BFSP2: variants seen among roughly 807,000 people sequenced by gnomAD.
BFSP2 encodes beaded filament structural protein 2.
BFSP2 carries 38 observed loss-of-function variants against 44.9 expected under a neutral mutation model. That is an observed-to-expected ratio of 0.85 (90% confidence interval 0.65 to 1.11). The LOEUF is 1.11. Ranked by LOEUF, BFSP2 falls within the 50% of genes least tolerant of loss-of-function variation. The pLI is 0.00. For missense variants in BFSP2, 525 were observed against 533.0 expected, an observed-to-expected ratio of 0.99 and a Z score of 0.15; for synonymous variants, 197 against 209.9, an observed-to-expected ratio of 0.94 and a Z score of 0.53.
chr3:133,419,442 G>T (rs2073573029), intron 1 of BFSP2, among the ~76,000 whole-genome samples: 1 of 152,064 alleles, frequency 6.6e-6, no homozygotes, highest in Non-Finnish European at 1.5e-5. Flanking sequence ...CATCTATAAG[G>T]CCCGAGTTAG....
At chr3:133,431,547 TG>T (rs1226145635) in intron 1 of BFSP2, among the ~76,000 whole-genome samples, 2 of 152,200 alleles carry the variant, frequency 1.3e-5, no homozygotes, top group African/African-American at 4.8e-5. Context: ...CCTGGAACTC[TG>T]GCCCGAGGCT....
At chr3:133,451,707 C>G (rs567962497) in intron 4 of BFSP2, among the ~76,000 whole-genome samples, 1 of 152,182 alleles carries the variant, frequency 6.6e-6, no homozygotes, top group Non-Finnish European at 1.5e-5. Flanking sequence ...CAGTCTGACA[C>G]TTTGAGATGT....
intron 1 of BFSP2, among the ~76,000 whole-genome samples, chr3:133,420,624 C>G (rs1343813683): frequency 6.6e-6 from 1 of 152,172 alleles, no homozygotes; most frequent in Non-Finnish European, 1.5e-5. Flanking sequence ...GGTTTTCCTT[C>G]CTTACAGCAA....
At chr3:133,466,697 A>AAAAAAAAAAAAAT in intron 4 of BFSP2, 131 bp from the exon 5 acceptor site, 1 of 726,478 alleles carries the variant, frequency 1.4e-6, no homozygotes. Flanking sequence ...AAAAAAAAAA[A>AAAAAAAAAAAAAT]GATGTTTCCA....
intron 1 of BFSP2, among the ~76,000 whole-genome samples, chr3:133,440,341 G>T (rs1249622343): frequency 6.6e-6 from 1 of 152,178 alleles, no homozygotes; most frequent in Non-Finnish European, 1.5e-5. Flanking sequence ...ATATCAGCAG[G>T]AGATGCTGGC....
intron 1 of BFSP2, among the ~76,000 whole-genome samples, chr3:133,424,660 G>C (rs1439888759): frequency 2.6e-5 from 4 of 152,098 alleles, no homozygotes; most frequent in African/African-American, 9.7e-5. Context: ...TTTTGAGACA[G>C]AGTCTCACTC....
intron 1 of BFSP2, among the ~76,000 whole-genome samples, chr3:133,411,842 G>A (rs1445604487): frequency 6.6e-6 from 1 of 151,902 alleles, no homozygotes; most frequent in Non-Finnish European, 1.5e-5. Flanking sequence ...AAATTGCAAG[G>A]GAAAGAAGCA....
chr3:133,464,130 C>T (rs1372982622), intron 4 of BFSP2, among the ~76,000 whole-genome samples: 2 of 152,164 alleles, frequency 1.3e-5, no homozygotes, highest in Non-Finnish European at 2.9e-5. Context: ...GGCCAGGAAC[C>T]CAACCCCAAA....
At chr3:133,417,001 C>T (rs555019481) in intron 1 of BFSP2, among the ~76,000 whole-genome samples, 1 of 142,850 alleles carries the variant, frequency 7.0e-6, no homozygotes, top group Non-Finnish European at 1.5e-5. Flanking sequence ...CTCTACTCAC[C>T]TCTGCCCTCT....
intron 1 of BFSP2, among the ~76,000 whole-genome samples, chr3:133,415,022 C>T (rs1329439069): frequency 7.2e-6 from 1 of 138,462 alleles, no homozygotes; most frequent in Admixed American, 7.2e-5. Context: ...ACTCACCCCC[C>T]TACTCATCCC....
intron 4 of BFSP2, among the ~76,000 whole-genome samples, 166 bp from the exon 5 acceptor site, chr3:133,466,662 G>A (rs1029249604): frequency 6.4e-5 from 3 of 47,224 alleles, no homozygotes; most frequent in African/African-American, 1.2e-4. Flanking sequence ...GCTACAGAGC[G>A]AGACTTCATC....
intron 3 of BFSP2, among the ~76,000 whole-genome samples, chr3:133,449,786 G>A (rs2073939650): frequency 6.6e-6 from 1 of 151,938 alleles, no homozygotes; most frequent in South Asian, 2.1e-4. Flanking sequence ...CTACTCAGGA[G>A]ACTGAGGTGG....
At chr3:133,472,304 C>T (rs764801615) in intron 5 of BFSP2, 41 bp from the exon 6 acceptor site, 9 of 1,579,420 alleles carry the variant, frequency 5.7e-6, no homozygotes, top group African/African-American at 1.3e-5. Context: ...AAGGGCCCGG[C>T]CTGTTGTCCT....
chr3:133,453,291 G>A (rs2073982147), intron 4 of BFSP2, among the ~76,000 whole-genome samples: 1 of 152,160 alleles, frequency 6.6e-6, no homozygotes, highest in African/African-American at 2.4e-5. Context: ...AAATGGCTTA[G>A]CACACACAGC....
rs549346116 is a variant in BFSP2, at chr3:133,430,980, G to A, written c.490-16337G>A. Among the ~76,000 whole-genome samples the A allele has an allele frequency of 4.1e-4, 62 of 152,182 alleles. 1 individual carries two copies. The East Asian group carries it at 0.012, about 29-fold the overall frequency. ...TACTCTTAAAAAGGTGGCTGGAGCT[G>A]AAGGCATAGTCAAGGTTAATGCTCC... On this transcript the variant is annotated intron_variant, in intron 1 of 6. Coordinates refer to ENST00000302334, the MANE Select transcript of BFSP2 (RefSeq NM_003571.4).
At chr3:133,414,063 A>C (rs1441188718) in intron 1 of BFSP2, among the ~76,000 whole-genome samples, 24 of 56,784 alleles carry the variant, frequency 4.2e-4, no homozygotes, top group Admixed American at 1.1e-3. Flanking sequence ...CCCTCTACTC[A>C]CCCCTGCCCT....
chr3:133,472,530 G>A lies in BFSP2; in HGVS notation c.1209G>A (p.Ala403=), dbSNP rs750596253. Residue 403 remains alanine (A), a synonymous_variant, in exon 6 of 7, where the codon GCG becomes GCA. Transcript: ENST00000302334. ...AGTGCCAGCTGCAGAAGGACGTGGCGTCCTACCACGCCCTGCTGGACAGGG... is the reference window on the plus strand; with the variant it reads ...AGTGCCAGCTGCAGAAGGACGTGGCATCCTACCACGCCCTGCTGGACAGGG... ...ARKCQLQKDV[A]SYHALLDREE... The A allele has an allele frequency of 1.1e-5, 17 of 1,612,378 alleles. No individual in the cohort carries two copies. In the African/African-American group the frequency reaches 1.1e-4, roughly 10 times the overall value.
At chr3:133,471,850 G>A (rs1433454630) in intron 5 of BFSP2, among the ~76,000 whole-genome samples, 3 of 152,136 alleles carry the variant, frequency 2.0e-5, no homozygotes, top group African/African-American at 7.2e-5. Context: ...CAGTGATCTG[G>A]GAAAGAAAGC....
chr3:133,465,931 G>C (rs1432407895), intron 4 of BFSP2, among the ~76,000 whole-genome samples: 1 of 152,164 alleles, frequency 6.6e-6, no homozygotes, highest in East Asian at 1.9e-4. Context: ...GAGAAAGAAA[G>C]ACTAGAAACA....
Sources: allele counts gnomAD v4.1 joint callset (sites outside exome capture counted in the v4.1 genomes callset), GRCh38; gene constraint gnomAD v4.1.1; transcripts MANE v1.5; gene names NCBI Gene and HGNC (gene_info 2026-07-23, HGNC 2026-07-21).